Variants in SUGCT observed in about 807,000 individuals in gnomAD.
SUGCT encodes succinyl-CoA:glutarate-CoA transferase, also known as succinyl-CoA:glutarate CoA-transferase.
A neutral mutation model predicts 55.0 loss-of-function variants in SUGCT; 41 were observed. The ratio of observed to expected loss-of-function variants is 0.74; its 90% CI spans 0.58 to 0.97. The LOEUF (loss-of-function observed/expected upper bound fraction) is 0.97. Among genes scored for constraint, SUGCT ranks in the 50% least tolerant of loss-of-function variants. The pLI, the probability that SUGCT is intolerant of heterozygous loss-of-function variation, is 0.00. For synonymous variants in SUGCT, 187 were observed against 200.4 expected, an observed-to-expected ratio of 0.93 and a Z score of 0.56; for missense variants, 568 against 547.8, an observed-to-expected ratio of 1.04 and a Z score of -0.37.
At chr7:40,389,397 A>G (rs1785290195) in intron 9 of SUGCT, among the ~76,000 whole-genome samples, 1 of 152,104 alleles carries the variant, frequency 6.6e-6, no homozygotes. Flanking sequence ...GGTTGCAGTG[A>G]GTCATGACTA....
intron 1 of SUGCT, among the ~76,000 whole-genome samples, chr7:40,139,901 TTTTC>T (rs1787894139): frequency 6.6e-6 from 1 of 152,100 alleles, no homozygotes; most frequent in African/African-American, 2.4e-5. Context: ...GAATTTATTT[TTTTC>T]TTTCTTTTTT....
chr7:40,519,753 A>G (rs985348104), intron 12 of SUGCT, among the ~76,000 whole-genome samples: 12 of 152,178 alleles, frequency 7.9e-5, no homozygotes, highest in African/African-American at 2.6e-4. Context: ...GAAATCTTAT[A>G]TTAAGTTAAT....
chr7:40,715,384 G>A (rs545135748), intron 12 of SUGCT, among the ~76,000 whole-genome samples: 60 of 152,170 alleles, frequency 3.9e-4, no homozygotes, highest in African/African-American at 1.4e-3. Context: ...CTGTTCCCTG[G>A]CATCCAATCC....
chr7:40,158,817 C>T (rs569818659), intron 1 of SUGCT, among the ~76,000 whole-genome samples: 7 of 152,190 alleles, frequency 4.6e-5, no homozygotes, highest in African/African-American at 1.4e-4. Flanking sequence ...CTAGCATTTA[C>T]ATATTTGTAT....
intron 9 of SUGCT, among the ~76,000 whole-genome samples, chr7:40,322,216 A>G (rs575373929): frequency 6.6e-5 from 10 of 152,276 alleles, no homozygotes; most frequent in Middle Eastern, 6.8e-3. Flanking sequence ...TCTGAATAGC[A>G]TAAGAATCTC....
intron 12 of SUGCT, among the ~76,000 whole-genome samples, chr7:40,662,691 T>C (rs1376682832): frequency 1.3e-5 from 2 of 152,232 alleles, no homozygotes; most frequent in African/African-American, 4.8e-5. Context: ...TCAAGAAATC[T>C]TGCATGACTA....
At chr7:40,844,177 GA>G (rs1224547040) in intron 13 of SUGCT, among the ~76,000 whole-genome samples, 1 of 152,172 alleles carries the variant, frequency 6.6e-6, no homozygotes, top group African/African-American at 2.4e-5. Flanking sequence ...CGGAGCCCCA[GA>G]AGGCATGTGT....
intron 13 of SUGCT, among the ~76,000 whole-genome samples, chr7:40,840,780 A>C (rs1349024295): frequency 2.2e-5 from 3 of 134,254 alleles, no homozygotes; most frequent in African/African-American, 8.6e-5. Flanking sequence ...CTTAAAAAAA[A>C]GTTAATAATA....
At chr7:40,664,904 C>T (rs939052210) in intron 12 of SUGCT, among the ~76,000 whole-genome samples, 8 of 149,954 alleles carry the variant, frequency 5.3e-5, no homozygotes, top group Non-Finnish European at 8.9e-5. Flanking sequence ...GGCGTGAACC[C>T]GGGAGGCGTA....
intron 13 of SUGCT, among the ~76,000 whole-genome samples, chr7:40,838,148 A>G (rs576386013): frequency 2.0e-4 from 31 of 152,306 alleles, no homozygotes; most frequent in African/African-American, 7.0e-4. Flanking sequence ...GGTCTTGATG[A>G]TTGTAACTGT....
intron 9 of SUGCT, 142 bp from the exon 10 acceptor site, chr7:40,449,145 T>C: frequency 1.7e-6 from 1 of 599,486 alleles, no homozygotes; most frequent in African/African-American, 1.9e-5. Context: ...TGTATACATA[T>C]ATGAAAAAGA....
chr7:40,843,047 T>C (rs1793354857), intron 13 of SUGCT, among the ~76,000 whole-genome samples: 1 of 152,282 alleles, frequency 6.6e-6, no homozygotes, highest in Non-Finnish European at 1.5e-5. Flanking sequence ...CAGTCCCTCA[T>C]TCACTCCCTC....
At chr7:40,350,329 T>G (rs1259003617) in intron 9 of SUGCT, among the ~76,000 whole-genome samples, 1 of 146,780 alleles carries the variant, frequency 6.8e-6, no homozygotes, top group Non-Finnish European at 1.5e-5. Flanking sequence ...TATTTATTTA[T>G]TTTTAAGAGA....
At chr7:40,650,391 A>G (rs1444507437) in intron 12 of SUGCT, among the ~76,000 whole-genome samples, 1 of 152,212 alleles carries the variant, frequency 6.6e-6, no homozygotes, top group Non-Finnish European at 1.5e-5. Context: ...TAGAGGCCTG[A>G]AACATGTTGG....
the SUGCT span, among the ~76,000 whole-genome samples, chr7:40,940,695 G>A: frequency 2.1e-3 from 323 of 152,148 alleles, 8 homozygotes; most frequent in East Asian, 0.055. Context: ...CATTTTTGGT[G>A]TATAGCCATG....
intron 13 of SUGCT, among the ~76,000 whole-genome samples, chr7:40,772,619 CTA>C (rs1789226028): frequency 1.3e-5 from 2 of 150,928 alleles, no homozygotes; most frequent in Non-Finnish European, 2.9e-5. Flanking sequence ...ATCTATCTAT[CTA>C]TCTATCTATC....
intron 8 of SUGCT, among the ~76,000 whole-genome samples, chr7:40,309,186 T>A (rs1795005459): frequency 6.6e-6 from 1 of 152,256 alleles, no homozygotes; most frequent in Non-Finnish European, 1.5e-5. Context: ...TATGTCTGAA[T>A]GTACCTTACC....
At chr7:40,459,006 T>C (rs1485738493) in intron 10 of SUGCT, 95 bp from the exon 11 acceptor site, 1 of 738,392 alleles carries the variant, frequency 1.4e-6, no homozygotes, top group Admixed American at 2.2e-5. Flanking sequence ...AGGAATGTTC[T>C]TGAGAAGGGA....
At chr7:40,868,339 C>T in the SUGCT span, among the ~76,000 whole-genome samples, 39 of 152,256 alleles carry the variant, frequency 2.6e-4, no homozygotes, top group African/African-American at 9.1e-4. Flanking sequence ...ACAACAGGCC[C>T]TGGTGTGTGT....
Sources: gnomAD v4.1 joint callset for allele counts (sites outside exome capture counted in the v4.1 genomes callset) on GRCh38, gnomAD v4.1.1 for gene constraint, MANE v1.5 for transcripts, NCBI Gene and HGNC (gene_info 2026-07-23, HGNC 2026-07-21) for gene names.